ADAMTSL1: variants seen among roughly 807,000 people sequenced by gnomAD.
The protein encoded by ADAMTSL1 is ADAMTS like 1.
In ADAMTSL1, 126 loss-of-function variants were observed where a neutral mutation model predicts 201.8. That is an observed-to-expected ratio of 0.62 (90% CI 0.54 to 0.72). ADAMTSL1 has a LOEUF of 0.72. Ranked by LOEUF, ADAMTSL1 falls within the 30% of genes least tolerant of loss-of-function variation. The probability of loss-of-function intolerance (pLI) is 0.00; values close to 1 mark genes in which losing one functional copy is unlikely to be tolerated. For missense variants in ADAMTSL1, 2,679 were observed against 2,277.8 expected, an observed-to-expected ratio of 1.18 and a Z score of -3.59; for synonymous variants, 1,121 against 903.4, an observed-to-expected ratio of 1.24 and a Z score of -4.32.
intron 23 of ADAMTSL1, among the ~76,000 whole-genome samples, chr9:18,871,378 T>C (rs1827862056): frequency 6.6e-6 from 1 of 152,230 alleles, no homozygotes; most frequent in South Asian, 2.1e-4. Context: ...CTCTCTCAAA[T>C]CATTTCTTCT....
chr9:18,872,713 CCA>C (rs1563876688), intron 23 of ADAMTSL1, among the ~76,000 whole-genome samples: 1 of 152,128 alleles, frequency 6.6e-6, no homozygotes, highest in Non-Finnish European at 1.5e-5. Flanking sequence ...TATGTATACA[CCA>C]CAGTTTCTTT....
At chr9:18,073,541 C>A (rs1025591060) in intron 1 of ADAMTSL1, among the ~76,000 whole-genome samples, 2 of 152,084 alleles carry the variant, frequency 1.3e-5, no homozygotes, top group African/African-American at 2.4e-5. Flanking sequence ...GGGTGGGGTC[C>A]ATTGTGTATG....
At chr9:18,170,153 C>T (rs192623875) in intron 2 of ADAMTSL1, among the ~76,000 whole-genome samples, 206 of 152,056 alleles carry the variant, frequency 1.4e-3, no homozygotes, top group African/African-American at 4.9e-3. Flanking sequence ...TATGTCTCTA[C>T]CAGTAACGAA....
intron 1 of ADAMTSL1, among the ~76,000 whole-genome samples, chr9:18,088,423 A>G (rs1032434773): frequency 6.6e-6 from 1 of 152,194 alleles, no homozygotes; most frequent in African/African-American, 2.4e-5. Flanking sequence ...AAGAGCTTTT[A>G]GACAGCAAAG....
At chr9:18,731,299 C>T (rs979061149) in intron 15 of ADAMTSL1, among the ~76,000 whole-genome samples, 4 of 152,292 alleles carry the variant, frequency 2.6e-5, no homozygotes, top group South Asian at 4.1e-4. Flanking sequence ...GCTGTTCTCA[C>T]GTTGCTATAA....
At chr9:18,624,890 G>C (rs6475236) in intron 5 of ADAMTSL1, among the ~76,000 whole-genome samples, 107,531 of 152,088 alleles carry the variant, frequency 0.71, 38,261 homozygotes, top group African/African-American at 0.77. Context: ...TGACAAAATG[G>C]AATTGATTCG....
chr9:18,216,686 A>C (rs1440843325), intron 2 of ADAMTSL1, among the ~76,000 whole-genome samples: 1 of 150,686 alleles, frequency 6.6e-6, no homozygotes, highest in Non-Finnish European at 1.5e-5. Flanking sequence ...TCAAGATGAC[A>C]AACATTTCAT....
intron 2 of ADAMTSL1, among the ~76,000 whole-genome samples, chr9:18,314,340 T>C (rs922110660): frequency 6.6e-6 from 1 of 152,170 alleles, no homozygotes; most frequent in Non-Finnish European, 1.5e-5. Flanking sequence ...TTGGTCTCGC[T>C]GACTTCAAGA....
chr9:18,082,652 C>A (rs1823558349), intron 1 of ADAMTSL1, among the ~76,000 whole-genome samples: 1 of 152,188 alleles, frequency 6.6e-6, no homozygotes, highest in African/African-American at 2.4e-5. Flanking sequence ...CCCTCTACCA[C>A]CAGCTTCTTT....
intron 1 of ADAMTSL1, among the ~76,000 whole-genome samples, chr9:17,949,638 G>C (rs922848621): frequency 1.1e-4 from 17 of 152,188 alleles, no homozygotes; most frequent in Admixed American, 1.0e-3. Context: ...ACATGTTTCT[G>C]TCTTATTGCT....
At chr9:18,888,315 A>C (rs1368279714) in intron 24 of ADAMTSL1, among the ~76,000 whole-genome samples, 2 of 152,180 alleles carry the variant, frequency 1.3e-5, no homozygotes, top group South Asian at 4.1e-4. Context: ...GTTGCTCAGG[A>C]CCATGGAAAC....
rs371648700 is a variant in ADAMTSL1 at position 18,449,597 on chromosome 9, T to A, written c.208-55232T>A. 7.2e-5 allele frequency among the ~76,000 whole-genome samples: 11 copies of A among 152,314 alleles called. No individual in the cohort carries two copies. In the East Asian group the frequency reaches 1.2e-3, roughly 16 times the overall value. ...ATCACATCCTGTGTTTTAAATATAC[T>A]GTTTCCAATACTTTGTAATTGCAAA... On this transcript the variant is annotated intron_variant, in intron 2 of 29. Coordinates refer to the ADAMTSL1 transcript ENST00000680146.
intron 1 of ADAMTSL1, among the ~76,000 whole-genome samples, chr9:18,041,792 C>G (rs1431341959): frequency 6.6e-6 from 1 of 151,986 alleles, no homozygotes; most frequent in Non-Finnish European, 1.5e-5. Context: ...TAACTGATAT[C>G]CCAAATCAGC....
intron 1 of ADAMTSL1, among the ~76,000 whole-genome samples, chr9:17,923,073 G>A (rs1317575966): frequency 6.6e-6 from 1 of 152,200 alleles, no homozygotes; most frequent in African/African-American, 2.4e-5. Context: ...GTCAGGTTGT[G>A]TGATTCCTCC....
At chr9:18,165,697 A>C (rs1434330288) in intron 2 of ADAMTSL1, among the ~76,000 whole-genome samples, 1 of 151,932 alleles carries the variant, frequency 6.6e-6, no homozygotes, top group African/African-American at 2.4e-5. Context: ...GAAAAGTTCA[A>C]AGTTTCTCAA....
chr9:18,121,230 T>C (rs553564407), intron 1 of ADAMTSL1, among the ~76,000 whole-genome samples: 2 of 152,318 alleles, frequency 1.3e-5, no homozygotes, highest in East Asian at 3.9e-4. Flanking sequence ...ATACAGACAG[T>C]TGTACATAAA....
rs531964934 is a variant in ADAMTSL1 at position 18,220,554 on chromosome 9, T to C, written c.207+56573T>C. Among the ~76,000 whole-genome samples, 39 of 152,298 alleles carry C rather than the reference T, an allele frequency of 2.6e-4. No individual in the cohort carries two copies. In the South Asian group the frequency reaches 8.1e-3, roughly 32 times the overall value. Reference sequence around the variant, plus strand: ...TTGGATTTTCACTCTTGTTTTAAAATCAAATATGAGAATCTCTAATTCTTT... The same window carrying C: ...TTGGATTTTCACTCTTGTTTTAAAACCAAATATGAGAATCTCTAATTCTTT... On this transcript the variant is annotated intron_variant, in intron 2 of 29. Coordinates refer to the ADAMTSL1 transcript ENST00000680146.
intron 2 of ADAMTSL1, among the ~76,000 whole-genome samples, chr9:18,262,195 A>G (rs982400109): frequency 6.6e-6 from 1 of 152,178 alleles, no homozygotes; most frequent in Non-Finnish European, 1.5e-5. Flanking sequence ...GAGCCTGGTA[A>G]GTAACTAAAT....
chr9:18,016,106 C>T (rs893143982), intron 1 of ADAMTSL1, among the ~76,000 whole-genome samples: 4 of 151,954 alleles, frequency 2.6e-5, no homozygotes. Context: ...CGGGAATGTT[C>T]CTGTTATGGG....
Sources: allele counts gnomAD v4.1 joint callset (sites outside exome capture counted in the v4.1 genomes callset), GRCh38; gene constraint gnomAD v4.1.1; transcripts MANE v1.5; gene names NCBI Gene and HGNC (gene_info 2026-07-23, HGNC 2026-07-21).